The following SORL1 variants were observed in gnomAD, a reference collection of about 807,000 sequenced individuals.
The protein encoded by SORL1 is sortilin-related receptor.
Under a neutral mutation model 273.7 loss-of-function variants are expected in SORL1, and 127 were observed. The observed-to-expected ratio is 0.46, with a 90% CI of 0.40 to 0.54. The LOEUF is 0.54. Among genes scored for constraint, SORL1 ranks in the 20% least tolerant of loss-of-function variants. SORL1 has a pLI of 0.00. For synonymous variants in SORL1, 1,031 were observed against 1,067.4 expected (o/e 0.97, Z 0.66); for missense variants, 2,494 against 2,846.1 (o/e 0.88, Z 2.81).
intron 27 of SORL1, among the ~76,000 whole-genome samples, chr11:121,587,173 T>G (rs1020965480): frequency 6.6e-6 from 1 of 152,100 alleles, no homozygotes; most frequent in African/African-American, 2.4e-5. Context: ...TTAGTTGGGG[T>G]TAGTTGGGGT....
In SORL1 at chr11:121,557,298, C is replaced by T. The variant is rs1372086749; in HGVS notation, c.2572-16C>T. On this transcript the variant is annotated splice_polypyrimidine_tract_variant and intron_variant, in intron 18 of 47. Transcript: ENST00000260197. ...CTCCGATCCATCTCAGCCTCTTTTC[C>T]CCCTGTTTTTGTCAGGTAGCTAATC... 2 of 1,595,714 alleles carry T rather than the reference C, an allele frequency of 1.3e-6. No homozygotes were observed. Among genetic ancestry groups the T allele is most frequent in the East Asian group, 2.2e-5 (1 of 44,792 alleles).
chr11:121,536,557 G>T (rs897254517), intron 12 of SORL1, among the ~76,000 whole-genome samples: 11 of 148,536 alleles, frequency 7.4e-5, no homozygotes, highest in Non-Finnish European at 1.5e-4. Context: ...GAGCCACCAT[G>T]CCTGGCTAAT....
At chr11:121,544,650 G>A (rs1048946220) in intron 13 of SORL1, among the ~76,000 whole-genome samples, 5 of 152,208 alleles carry the variant, frequency 3.3e-5, no homozygotes, top group Admixed American at 6.5e-5. Context: ...GAGACACAAA[G>A]TGCCAACATA....
At chr11:121,599,009 G>T (rs1863344599) in intron 32 of SORL1, among the ~76,000 whole-genome samples, 2 of 152,044 alleles carry the variant, frequency 1.3e-5, no homozygotes, top group South Asian at 2.1e-4. Context: ...CCAAGGTAGG[G>T]TGATTTCTTT....
At chr11:121,592,549 C>G (rs894458826) in intron 31 of SORL1, among the ~76,000 whole-genome samples, 1 of 152,198 alleles carries the variant, frequency 6.6e-6, no homozygotes, top group African/African-American at 2.4e-5. Context: ...TAAACTTACC[C>G]ATTGACCTTT....
rs1463169869 is a variant in SORL1, at chr11:121,567,118, T to C, written c.3223+5T>C. The stretch of plus-strand genomic sequence containing the variant: ...ACAATACCTGTGTCAAACAAGGTAC[T>C]TCCCTTTTTCTTTTTTGCCTGTCAT... On this transcript the variant is annotated splice_donor_5th_base_variant and intron_variant, in intron 22 of 47. Coordinates refer to ENST00000260197, the MANE Select transcript of SORL1 (RefSeq NM_003105.6). 6.2e-7 allele frequency: 1 copy of C among 1,608,182 alleles called. No homozygotes were observed. The highest frequency in any genetic ancestry group is 8.5e-7 in the Non-Finnish European group (1 of 1,176,728).
intron 32 of SORL1, among the ~76,000 whole-genome samples, chr11:121,601,003 G>A (rs992794066): frequency 5.3e-5 from 8 of 150,906 alleles, no homozygotes; most frequent in Admixed American, 2.6e-4. Flanking sequence ...CCACTAACTC[G>A]TCATCTAACA....
chr11:121,614,121 C>G (rs920331535), intron 40 of SORL1, among the ~76,000 whole-genome samples: 5 of 152,164 alleles, frequency 3.3e-5, no homozygotes, highest in African/African-American at 1.2e-4. Flanking sequence ...TCTCACTTTT[C>G]TTTTTCTTAG....
At chr11:121,551,892 C>T (rs542460847) in intron 16 of SORL1, among the ~76,000 whole-genome samples, 144 of 152,322 alleles carry the variant, frequency 9.5e-4, no homozygotes, top group Non-Finnish European at 1.8e-3. Flanking sequence ...TCAAATATTT[C>T]CCTCACAAGA....
Position 121,611,127 on chromosome 11 carries a change from G to A in SORL1, c.5291G>A (p.Ser1764Asn). ...HIDSYGENYL[S>N]FTLTMESDIK... ...GACAGCTATGGTGAAAATTATCTAA[G>A]CTTCACCCTGACCATGGAGAGTGAT... Residue 1764 changes from serine (S) to asparagine (N), a missense_variant, in exon 39 of 48, where the codon AGC (serine) becomes AAC (asparagine). Coordinates refer to ENST00000260197, the MANE Select transcript of SORL1 (RefSeq NM_003105.6). 2 of 1,613,172 alleles carry A rather than the reference G, an allele frequency of 1.2e-6. No individual in the cohort carries two copies. Among genetic ancestry groups the A allele is most frequent in the Non-Finnish European group, 1.7e-6 (2 of 1,179,196 alleles).
At chr11:121,600,177 T>C (rs1863365626) in intron 32 of SORL1, among the ~76,000 whole-genome samples, 1 of 152,244 alleles carries the variant, frequency 6.6e-6, no homozygotes, top group African/African-American at 2.4e-5. Flanking sequence ...AAGCAAATCA[T>C]GTATTCGTTT....
rs758488780 is a variant in SORL1, at chr11:121,478,243, G to T, written c.528G>T (p.Arg176=). 6.2e-7 allele frequency: 1 copy of T among 1,613,824 alleles called. No homozygotes were observed. ...QFYHSPADNK[R]YIFADAYAQY... ...ACCACAGCCCTGCGGACAACAAGCGGGTAAGGAAGTGGCCATCCCTCCTGT... is the reference window on the plus strand; with the variant it reads ...ACCACAGCCCTGCGGACAACAAGCGTGTAAGGAAGTGGCCATCCCTCCTGT... Residue 176 remains arginine, a splice_region_variant and synonymous_variant, in exon 3 of 48, where the codon CGG becomes CGT. Transcript: ENST00000260197.
chr11:121,486,033 G>T, intron 3 of SORL1, among the ~76,000 whole-genome samples: 1 of 152,296 alleles, frequency 6.6e-6, no homozygotes, highest in African/African-American at 2.4e-5. Context: ...TGAGACAAGT[G>T]CAAAGTGCTG....
At chr11:121,545,892 TAGG>T (rs142149698) in intron 14 of SORL1, among the ~76,000 whole-genome samples, 225 of 152,258 alleles carry the variant, frequency 1.5e-3, no homozygotes, top group African/African-American at 5.2e-3. Flanking sequence ...ATGCTAAAAG[TAGG>T]AGAAGTGATT....
intron 11 of SORL1, among the ~76,000 whole-genome samples, chr11:121,529,341 C>T (rs544017299): frequency 7.8e-4 from 118 of 151,840 alleles, no homozygotes; most frequent in Non-Finnish European, 1.4e-3. Flanking sequence ...CTCAGCCTCC[C>T]GAGTAGCTGG....
intron 16 of SORL1, among the ~76,000 whole-genome samples, chr11:121,551,608 G>T (rs1862507577): frequency 6.6e-6 from 1 of 152,148 alleles, no homozygotes; most frequent in African/African-American, 2.4e-5. Flanking sequence ...TAAATGGCTG[G>T]AGTTAACTTC....
intron 21 of SORL1, among the ~76,000 whole-genome samples, chr11:121,561,799 G>A (rs975407273): frequency 6.6e-6 from 1 of 151,722 alleles, no homozygotes; most frequent in Admixed American, 6.6e-5. Context: ...GCCAGTTGTC[G>A]CCTCTCTGCT....
At position 121,625,088 on chromosome 11, in the gene SORL1, T is replaced by G; in HGVS notation, c.6175T>G (p.Tyr2059Asp). ...KEKHFNESRG[Y>D]EIHMFDSAMN... ...AATCTCTTGTGTTTGTTTTCAGGGC[T>G]ATGAGATACACATGTTTGATAGTGC... The change falls in exon 46 of 48, where the codon TAT (tyrosine) becomes GAT (aspartate). Residue 2059 changes from tyrosine (Y) to aspartate (D), a missense_variant. By Grantham distance (160) the Tyr-to-Asp change is radical. Transcript: ENST00000260197. The G allele has an allele frequency of 6.2e-7, 1 of 1,607,720 alleles. No individual in the cohort carries two copies. The highest frequency in any genetic ancestry group is 8.5e-7 in the Non-Finnish European group (1 of 1,175,102).
chr11:121,457,862 G>A (rs1860932290), intron 1 of SORL1, among the ~76,000 whole-genome samples: 2 of 152,202 alleles, frequency 1.3e-5, no homozygotes, highest in Admixed American at 6.5e-5. Flanking sequence ...TGAAGTTAAT[G>A]GTATGCTTAA....
Sources: allele counts gnomAD v4.1 joint callset (sites outside exome capture counted in the v4.1 genomes callset), GRCh38; gene constraint gnomAD v4.1.1; transcripts MANE v1.5; gene names NCBI Gene and HGNC (gene_info 2026-07-23, HGNC 2026-07-21).